The following WWC2 variants were observed in gnomAD, a reference collection of about 807,000 sequenced individuals.
WWC2 encodes protein WWC2.
In WWC2, 101 loss-of-function variants were observed where a neutral mutation model predicts 138.5. The ratio of observed to expected loss-of-function variants is 0.73; its 90% confidence interval spans 0.62 to 0.86. The LOEUF (loss-of-function observed/expected upper bound fraction) is 0.86, where lower values mean the gene tolerates loss of function less well. WWC2 is among the 40% of genes least tolerant of loss of function. WWC2 has a pLI of 0.00. For missense variants in WWC2, 1,420 were observed against 1,419.4 expected, an observed-to-expected ratio of 1.00 and a Z score of -0.01; for synonymous variants, 558 against 538.4, an observed-to-expected ratio of 1.04 and a Z score of -0.50.
At chr4:183,259,261 A>C (rs1394335801) in intron 9 of WWC2, among the ~76,000 whole-genome samples, 1 of 152,182 alleles carries the variant, frequency 6.6e-6, no homozygotes, top group Non-Finnish European at 1.5e-5. Context: ...TGTTTTAGGA[A>C]AGGGTTCCCA....
rs953983126 is a variant in WWC2, at chr4:183,316,744, A to T, written c.*1015A>T. 1 of 152,220 alleles carries T rather than the reference A, an allele frequency of 6.6e-6. No individual in the cohort carries two copies. The highest frequency in any genetic ancestry group is 6.5e-5 in the Admixed American group (1 of 15,282). 9.4% of individuals were successfully genotyped at this position (152,220 alleles called of 1,614,324 possible). On this transcript the variant is annotated 3_prime_UTR_variant, in exon 23 of 23. Coordinates refer to ENST00000403733, the MANE Select transcript of WWC2 (RefSeq NM_024949.6). The stretch of plus-strand genomic sequence containing the variant: ...AAACAAAGAAGAGTTTATCAAGCAG[A>T]TTTCTAACATTTAGTAGAAACTACT...
chr4:183,183,535 A>G (rs112000108), intron 1 of WWC2, among the ~76,000 whole-genome samples: 3 of 152,150 alleles, frequency 2.0e-5, no homozygotes, highest in Admixed American at 6.5e-5. Context: ...TAATCTCCAC[A>G]CTTTGGGAGG....
At chr4:183,162,416 T>G (rs1351007339) in intron 1 of WWC2, among the ~76,000 whole-genome samples, 1 of 152,226 alleles carries the variant, frequency 6.6e-6, no homozygotes, top group Non-Finnish European at 1.5e-5. Context: ...ATTTTTATGG[T>G]GCAGCACTAC....
At chr4:183,232,293 A>T (rs968554620) in intron 4 of WWC2, among the ~76,000 whole-genome samples, 1 of 152,176 alleles carries the variant, frequency 6.6e-6, no homozygotes, top group African/African-American at 2.4e-5. Context: ...CAATTCACCC[A>T]TTTAAAATGT....
rs545144188 is a variant in WWC2, at chr4:183,189,522, G to T, written c.132-4077G>T. On this transcript the variant is annotated intron_variant, in intron 1 of 22. Coordinates refer to ENST00000403733, the MANE Select transcript of WWC2 (RefSeq NM_024949.6). ...TTTTAGGACTGTGGAAAGATTTCTAGTGCTTTATCCTTGCTTTAAAATTCA... is the reference window on the plus strand; with the variant it reads ...TTTTAGGACTGTGGAAAGATTTCTATTGCTTTATCCTTGCTTTAAAATTCA... 3.3e-5 allele frequency among the ~76,000 whole-genome samples: 5 copies of T among 152,000 alleles called. No homozygotes were observed. The East Asian group carries it at 9.7e-4, about 29-fold the overall frequency.
At chr4:183,122,107 A>T (rs931392088) in intron 1 of WWC2, among the ~76,000 whole-genome samples, 4 of 152,084 alleles carry the variant, frequency 2.6e-5, no homozygotes, top group African/African-American at 9.7e-5. Flanking sequence ...TTTTCTGTGA[A>T]CTAGATTTCA....
In WWC2 at chr4:183,319,421, C is replaced by T. The variant is rs923264814; in HGVS notation, c.*3692C>T. 3 of 983,176 alleles carry T rather than the reference C, an allele frequency of 3.1e-6. No individual in the cohort carries two copies. The highest frequency in any genetic ancestry group is 4.5e-6 in the Non-Finnish European group (3 of 662,152). 60.9% of individuals were successfully genotyped at this position (983,176 alleles called of 1,614,324 possible). On this transcript the variant is annotated 3_prime_UTR_variant, in exon 23 of 23. Coordinates refer to ENST00000403733, the MANE Select transcript of WWC2 (RefSeq NM_024949.6). The stretch of plus-strand genomic sequence containing the variant: ...ATGGTTTACCAGTCTTGGAAAGAAA[C>T]TATAGTTTAATAGCCACAGGAAAAG...
chr4:183,265,915 A>G lies in WWC2; in HGVS notation c.2171A>G (p.Asn724Ser). The G allele has an allele frequency of 6.2e-7, 1 of 1,613,354 alleles. No individual in the cohort carries two copies. Among genetic ancestry groups the G allele is most frequent in the Non-Finnish European group, 8.5e-7 (1 of 1,179,660 alleles). ...ATGGTGATTATAGCACAGCTCCGAA[A>G]CCTTCATGCCTTCTTGATACCTCAT... is the stretch of plus-strand genomic sequence containing the variant. The part of the protein sequence containing the change: ...SFMVIIAQLR[N>S]LHAFLIPHTS... The change falls in exon 14 of 23, where the codon AAC becomes AGC. Residue 724 changes from asparagine (N) to serine (S), a missense_variant. By Grantham distance (46) the Asn-to-Ser change is conservative. Transcript: ENST00000403733.
chr4:183,154,576 A>G (rs2111125015), intron 1 of WWC2, among the ~76,000 whole-genome samples: 1 of 152,284 alleles, frequency 6.6e-6, no homozygotes. Flanking sequence ...AAATGGCTAC[A>G]TCTTGCATAG....
At chr4:183,235,715 G>T (rs1736403130) in intron 4 of WWC2, among the ~76,000 whole-genome samples, 1 of 152,042 alleles carries the variant, frequency 6.6e-6, no homozygotes, top group African/African-American at 2.4e-5. Flanking sequence ...ACACTATGTT[G>T]TTTTAATCCA....
At chr4:183,220,130 T>A (rs1392045869) in intron 4 of WWC2, among the ~76,000 whole-genome samples, 1 of 152,138 alleles carries the variant, frequency 6.6e-6, no homozygotes, top group East Asian at 1.9e-4. Context: ...AATACAAGTC[T>A]CAGTCCTAGA....
At chr4:183,164,886 G>GAATAAATACCAA (rs1734088734) in intron 1 of WWC2, among the ~76,000 whole-genome samples, 1 of 152,144 alleles carries the variant, frequency 6.6e-6, no homozygotes, top group South Asian at 2.1e-4. Flanking sequence ...ATGACCAATG[G>GAATAAATACCAA]TATACTGTAG....
chr4:183,186,282 A>T (rs1262791752), intron 1 of WWC2, among the ~76,000 whole-genome samples: 1 of 152,148 alleles, frequency 6.6e-6, no homozygotes, highest in East Asian at 1.9e-4. Context: ...TTTTGCAGAT[A>T]CTATATCTGG....
At chr4:183,224,998 C>CCAA (rs1736032599) in intron 4 of WWC2, among the ~76,000 whole-genome samples, 1 of 152,194 alleles carries the variant, frequency 6.6e-6, no homozygotes, top group African/African-American at 2.4e-5. Flanking sequence ...TTTATGTTGA[C>CCAA]TCCTCATACC....
At chr4:183,268,880 T>A in intron 14 of WWC2, 91 bp from the exon 15 acceptor site, 2 of 1,328,788 alleles carry the variant, frequency 1.5e-6, no homozygotes, top group Non-Finnish European at 2.1e-6. Flanking sequence ...GATCCCTCAT[T>A]TTCTCTCTTT....
At chr4:183,177,659 GA>G (rs1029583129) in intron 1 of WWC2, among the ~76,000 whole-genome samples, 7 of 150,256 alleles carry the variant, frequency 4.7e-5, no homozygotes, top group Admixed American at 1.3e-4. Context: ...GATGATGTTA[GA>G]AAAAAAAAGA....
At chr4:183,274,619 G>A (rs1299742022) in intron 16 of WWC2, among the ~76,000 whole-genome samples, 2 of 151,974 alleles carry the variant, frequency 1.3e-5, no homozygotes, top group African/African-American at 4.8e-5. Flanking sequence ...TGTTTCTGGT[G>A]CTATTGTGAA....
At chr4:183,200,647 C>T (rs1277946613) in intron 2 of WWC2, among the ~76,000 whole-genome samples, 3 of 152,104 alleles carry the variant, frequency 2.0e-5, no homozygotes, top group Non-Finnish European at 4.4e-5. Flanking sequence ...CCAAGCCACT[C>T]GTACGGTTGT....
At chr4:183,131,216 A>C (rs1470254148) in intron 1 of WWC2, among the ~76,000 whole-genome samples, 5 of 152,182 alleles carry the variant, frequency 3.3e-5, no homozygotes, top group African/African-American at 1.2e-4. Flanking sequence ...AATTAACTCA[A>C]AGCTGATCAT....
Sources: allele counts gnomAD v4.1 joint callset (sites outside exome capture counted in the v4.1 genomes callset), GRCh38; gene constraint gnomAD v4.1.1; transcripts MANE v1.5; gene names NCBI Gene and HGNC (gene_info 2026-07-23, HGNC 2026-07-21).